The following EDAR variants were observed in gnomAD, a reference collection of about 807,000 sequenced individuals.
EDAR encodes the protein ectodysplasin A receptor, also known as tumor necrosis factor receptor superfamily member EDAR.
EDAR carries 38 observed loss-of-function variants against 51.3 expected under a neutral mutation model. The observed-to-expected ratio is 0.74, with a 90% CI of 0.57 to 0.97. The LOEUF (loss-of-function observed/expected upper bound fraction) is 0.97. Among genes scored for constraint, EDAR ranks in the 50% least tolerant of loss-of-function variants. The pLI is 0.00. For missense variants in EDAR, 528 were observed against 595.0 expected (o/e 0.89, Z 1.17); for synonymous variants, 227 against 242.1 (o/e 0.94, Z 0.58).
chr2:108,949,841 A>G (rs1473704467), intron 1 of EDAR, among the ~76,000 whole-genome samples: 3 of 152,264 alleles, frequency 2.0e-5, no homozygotes, highest in African/African-American at 7.2e-5. Flanking sequence ...ATGGTGCCTT[A>G]GAAGCAGATG....
intron 1 of EDAR, among the ~76,000 whole-genome samples, chr2:108,931,571 G>C (rs1034606416): frequency 5.9e-5 from 9 of 152,212 alleles, no homozygotes; most frequent in Non-Finnish European, 1.3e-4. Flanking sequence ...GATAGTGGGA[G>C]CCCAGAGAGG....
intron 11 of EDAR, among the ~76,000 whole-genome samples, chr2:108,903,542 G>A (rs1487622116): frequency 2.0e-5 from 3 of 151,982 alleles, no homozygotes; most frequent in African/African-American, 7.2e-5. Flanking sequence ...ATTATCAGAG[G>A]GACAGACATG....
chr2:108,921,831 G>A (rs1223314104), intron 5 of EDAR, among the ~76,000 whole-genome samples: 1 of 152,218 alleles, frequency 6.6e-6, no homozygotes, highest in Non-Finnish European at 1.5e-5. Context: ...CGAGGTCTGG[G>A]GCCTTGCCCA....
In EDAR at chr2:108,912,758, C is replaced by T. The variant is rs144733175; in HGVS notation, c.449G>A (p.Gly150Glu). 3.8e-6 allele frequency: 6 copies of T among 1,592,692 alleles called. No individual in the cohort carries two copies. In the African/African-American group the frequency reaches 6.7e-5, roughly 18 times the overall value. ...LAPPNTKECV[G>E]ATSGASANFP... The stretch of plus-strand genomic sequence containing the variant: ...GTTGGCAGAAGCTCCTGAAGTGGCT[C>T]CCACACCTGCAAGGAAAATAGAGTC... Residue 150 changes from glycine to glutamate, a missense_variant, in exon 6 of 12, where the codon GGA becomes GAA. Gly to Glu is a moderately conservative substitution (Grantham distance 98). Transcript: ENST00000258443.
intron 1 of EDAR, among the ~76,000 whole-genome samples, chr2:108,960,222 A>G (rs1278219084): frequency 6.6e-6 from 1 of 152,074 alleles, no homozygotes; most frequent in Non-Finnish European, 1.5e-5. Context: ...CAGTTTCTCT[A>G]TTTGTCCACA....
intron 1 of EDAR, among the ~76,000 whole-genome samples, chr2:108,988,265 C>T (rs1436881122): frequency 6.6e-6 from 1 of 152,248 alleles, no homozygotes; most frequent in African/African-American, 2.4e-5. Context: ...CCTGAGCTGA[C>T]ATCTCAAAGC....
At chr2:108,928,911 G>A (rs1697308634) in intron 4 of EDAR, among the ~76,000 whole-genome samples, 2 of 152,242 alleles carry the variant, frequency 1.3e-5, no homozygotes, top group African/African-American at 4.8e-5. Context: ...CTACTGCACT[G>A]TAAGTATTCA....
At chr2:108,925,513 G>C (rs1383992171) in intron 4 of EDAR, among the ~76,000 whole-genome samples, 2 of 152,238 alleles carry the variant, frequency 1.3e-5, no homozygotes, top group African/African-American at 4.8e-5. Flanking sequence ...TGGGCACGAG[G>C]CACCTTCTGT....
intron 4 of EDAR, among the ~76,000 whole-genome samples, chr2:108,925,119 C>A (rs1343518222): frequency 1.3e-5 from 2 of 150,742 alleles, no homozygotes; most frequent in Non-Finnish European, 3.0e-5. Flanking sequence ...CCCTCCAGGG[C>A]AAGCCTTGTT....
At chr2:108,921,675 A>ACTCTTTACTC (rs1697144264) in intron 5 of EDAR, among the ~76,000 whole-genome samples, 1 of 152,150 alleles carries the variant, frequency 6.6e-6, no homozygotes. Context: ...GCTCTGAGTA[A>ACTCTTTACTC]AGAGATCTCT....
chr2:108,910,008 C>T (rs1306763565), intron 9 of EDAR, among the ~76,000 whole-genome samples: 1 of 152,236 alleles, frequency 6.6e-6, no homozygotes, highest in African/African-American at 2.4e-5. Flanking sequence ...ACAGCCCTAG[C>T]CCAGCACTTG....
intron 10 of EDAR, 137 bp from the exon 11 acceptor site, chr2:108,906,505 C>A (rs1033517248): frequency 1.1e-6 from 1 of 901,336 alleles, no homozygotes; most frequent in African/African-American, 1.6e-5. Context: ...GTGTCAGCAG[C>A]CCAGCCCTGA....
In EDAR at chr2:108,930,997, G is replaced by A; in HGVS notation, c.18C>T (p.Asp6=). The A allele has an allele frequency of 1.9e-6, 3 of 1,614,030 alleles. No homozygotes were observed. The highest frequency in any genetic ancestry group is 3.3e-4 in the Middle Eastern group (2 of 6,060). The change falls in exon 2 of 12, where the codon GAC becomes GAT. Residue 6 remains aspartate (D), a synonymous_variant. Coordinates refer to ENST00000258443, the MANE Select transcript of EDAR (RefSeq NM_022336.4). ...CGGGGAGCCAGGGCGTCTGCGTGCAGTCCCCCACATGGGCCATCCTCTCCC... is the reference window on the plus strand; with the variant it reads ...CGGGGAGCCAGGGCGTCTGCGTGCAATCCCCCACATGGGCCATCCTCTCCC... The part of the protein sequence containing the change: MAHVG[D]CTQTPWLPVL...
intron 5 of EDAR, among the ~76,000 whole-genome samples, chr2:108,920,424 A>G (rs1697114254): frequency 6.6e-6 from 1 of 152,196 alleles, no homozygotes; most frequent in South Asian, 2.1e-4. Flanking sequence ...AGATCCCTTT[A>G]TGCAGGATGG....
chr2:108,986,007 G>A (rs1343394926), intron 1 of EDAR, among the ~76,000 whole-genome samples: 7 of 152,164 alleles, frequency 4.6e-5, no homozygotes, highest in African/African-American at 7.2e-5. Flanking sequence ...CCAGGGCAAA[G>A]CTTTTTTCAT....
At chr2:108,922,824 C>T (rs1697174982) in intron 5 of EDAR, among the ~76,000 whole-genome samples, 1 of 152,098 alleles carries the variant, frequency 6.6e-6, no homozygotes, top group South Asian at 2.1e-4. Flanking sequence ...CCTGGCCCTT[C>T]GTCATAAACA....
intron 1 of EDAR, among the ~76,000 whole-genome samples, chr2:108,978,046 C>T (rs887936916): frequency 1.2e-4 from 18 of 152,232 alleles, no homozygotes; most frequent in Non-Finnish European, 2.5e-4. Context: ...GGTTCAAAGT[C>T]GTTCTTCCTT....
intron 1 of EDAR, among the ~76,000 whole-genome samples, chr2:108,939,782 T>C (rs910458927): frequency 3.3e-5 from 5 of 152,232 alleles, no homozygotes; most frequent in African/African-American, 1.2e-4. Flanking sequence ...CTTGTCCTCA[T>C]TTCTTTGCTC....
chr2:108,917,218 C>T lies in EDAR; in HGVS notation c.443-4454G>A, dbSNP rs534081585. ...ACAGCTGTTTCATAAAAGCAACGCG[C>T]GGCTCGTGTGGAAGCCAAAGGAGTG... is the stretch of plus-strand genomic sequence containing the variant. On this transcript the variant is annotated intron_variant, in intron 5 of 11. Coordinates refer to ENST00000258443, the MANE Select transcript of EDAR (RefSeq NM_022336.4). Among the ~76,000 whole-genome samples, 7 of 152,244 alleles carry T rather than the reference C, an allele frequency of 4.6e-5. No homozygotes were observed. The South Asian group carries it at 1.0e-3, about 23-fold the overall frequency.
Sources: gnomAD v4.1 joint callset for allele counts (sites outside exome capture counted in the v4.1 genomes callset) on GRCh38, gnomAD v4.1.1 for gene constraint, MANE v1.5 for transcripts, NCBI Gene and HGNC (gene_info 2026-07-23, HGNC 2026-07-21) for gene names.